SLC8B1: variants seen among roughly 807,000 people sequenced by gnomAD.
SLC8B1 encodes the protein mitochondrial sodium/calcium exchanger protein.
A neutral mutation model predicts 63.4 loss-of-function variants in SLC8B1; 52 were observed. The observed-to-expected ratio is 0.82, with a 90% confidence interval of 0.66 to 1.03. SLC8B1 has a LOEUF of 1.03. Among genes scored for constraint, SLC8B1 ranks in the 50% least tolerant of loss-of-function variants. The pLI is 0.00. For missense variants in SLC8B1, 657 were observed against 741.7 expected (o/e 0.89, Z 1.33); for synonymous variants, 336 against 323.9 (o/e 1.04, Z -0.40).
chr12:113,334,761 T>A lies in SLC8B1; in HGVS notation c.-401A>T, dbSNP rs1957106811. On this transcript the variant is annotated 5_prime_UTR_variant, in exon 1 of 16. Transcript: ENST00000680972. ...TCTCTTTGCTGCCGATTTATTTTAC[T>A]GATTCACTAGTGAGCATTTATTGAG... 1 of 152,272 alleles carries A rather than the reference T, an allele frequency of 6.6e-6. No homozygotes were observed. Among genetic ancestry groups the A allele is most frequent in the Non-Finnish European group, 1.5e-5 (1 of 68,056 alleles). The allele number at this position is 152,272 out of a possible 1,614,324, so 9.4% of individuals were successfully genotyped here.
intron 2 of SLC8B1, among the ~76,000 whole-genome samples, chr12:113,328,761 T>C (rs1056036790): frequency 4.6e-5 from 7 of 151,014 alleles, no homozygotes; most frequent in Non-Finnish European, 7.4e-5. Context: ...TTTTTTTTTT[T>C]CCTTTTTTGA....
At chr12:113,310,173 C>T in intron 12 of SLC8B1, 61 bp downstream of exon 12, 1 of 1,569,288 alleles carries the variant, frequency 6.4e-7, no homozygotes, top group Non-Finnish European at 8.6e-7. Flanking sequence ...GCAGACAGGA[C>T]ATCTGTGTGG....
intron 11 of SLC8B1, among the ~76,000 whole-genome samples, chr12:113,311,697 A>ATTTTTTTTTTTTTTTTTTT (rs58060872): frequency 1.0e-5 from 1 of 95,396 alleles, no homozygotes. Context: ...GTCAAGGGGG[A>ATTTTTTTTTTTTTTTTTTT]TTTTTTTTTT....
intron 12 of SLC8B1, 135 bp downstream of exon 12, chr12:113,310,099 T>C (rs2136833369): frequency 1.6e-6 from 2 of 1,226,924 alleles, no homozygotes; most frequent in Non-Finnish European, 2.2e-6. Flanking sequence ...CAAAAGCAGC[T>C]TTAAAGTTCG....
At chr12:113,319,774 T>C (rs1270837952) in intron 7 of SLC8B1, among the ~76,000 whole-genome samples, 10 of 152,322 alleles carry the variant, frequency 6.6e-5, no homozygotes, top group African/African-American at 2.2e-4. Flanking sequence ...TTACTGCTTG[T>C]TAAAATTGGA....
chr12:113,327,632 A>T (rs1957011124), intron 2 of SLC8B1, among the ~76,000 whole-genome samples: 1 of 151,664 alleles, frequency 6.6e-6, no homozygotes, highest in Non-Finnish European at 1.5e-5. Context: ...CAGTGAGCCA[A>T]GATCACACCA....
chr12:113,318,231 C>T (rs1956865690), intron 8 of SLC8B1, among the ~76,000 whole-genome samples: 1 of 149,562 alleles, frequency 6.7e-6, no homozygotes, highest in African/African-American at 2.5e-5. Context: ...TGTATGTACA[C>T]ATTTGTGTGT....
chr12:113,304,334 T>A lies in SLC8B1; in HGVS notation c.1544A>T (p.His515Leu). 1 of 1,614,032 alleles carries A rather than the reference T, an allele frequency of 6.2e-7. No individual in the cohort carries two copies. The highest frequency in any genetic ancestry group is 8.5e-7 in the Non-Finnish European group (1 of 1,179,920). ...AGGAATACTCACCTTCACTTCTGTG[T>A]GGCTTCGGGAGATCTGGAGCAGGCA... The part of the protein sequence containing the change: ...LGCLLQISRS[H>L]TEVKLEPDGL... The change falls in exon 15 of 16, where the codon CAC (histidine) becomes CTC (leucine). Residue 515 changes from histidine to leucine, a missense_variant. His to Leu is a moderately conservative substitution (Grantham distance 99, BLOSUM62 -3). Transcript: ENST00000680972.
At chr12:113,324,974 G>A (rs1956979077) in intron 2 of SLC8B1, among the ~76,000 whole-genome samples, 1 of 152,136 alleles carries the variant, frequency 6.6e-6, no homozygotes, top group Admixed American at 6.6e-5. Context: ...AAAGTACTGG[G>A]ATTACAGGTG....
At chr12:113,321,017 C>T in intron 4 of SLC8B1, 39 bp downstream of exon 4, 1 of 1,602,140 alleles carries the variant, frequency 6.2e-7, no homozygotes, top group Non-Finnish European at 8.5e-7. Context: ...ACCCCTCCTC[C>T]CATTGATAAG....
chr12:113,329,078 C>T (rs935997447), intron 2 of SLC8B1, among the ~76,000 whole-genome samples: 11 of 152,190 alleles, frequency 7.2e-5, no homozygotes, highest in Non-Finnish European at 1.0e-4. Context: ...TAATATCTGC[C>T]CCTCCCACTA....
At chr12:113,331,569 C>G (rs2136870787) in intron 2 of SLC8B1, among the ~76,000 whole-genome samples, 1 of 152,154 alleles carries the variant, frequency 6.6e-6, no homozygotes, top group South Asian at 2.1e-4. Context: ...TGGATGCTTC[C>G]TGCCCTCAAA....
In SLC8B1 at chr12:113,321,265, G is replaced by T. The variant is rs1322385119; in HGVS notation, c.240C>A (p.Tyr80Ter). The T allele has an allele frequency of 1.9e-6, 3 of 1,614,018 alleles. No individual in the cohort carries two copies. Among genetic ancestry groups the T allele is most frequent in the Non-Finnish European group, 2.5e-6 (3 of 1,180,028 alleles). The change falls in exon 3 of 16, where the codon TAC (tyrosine) becomes TAA (stop). Residue 80 changes from tyrosine to a stop codon, truncating the protein, a stop_gained. Transcript: ENST00000680972. LOFTEE classifies it high-confidence loss of function. ...AGAAGATGCCTTCCAGGTAGTCCAG[G>T]TACCCCCCATCACTGTGGCAGTCAG... ...TNPDCHSDGG[Y>*]LDYLEGIFCH... is the part of the protein sequence containing the mutation.
intron 2 of SLC8B1, among the ~76,000 whole-genome samples, chr12:113,325,674 C>T (rs1169075295): frequency 2.6e-5 from 4 of 152,128 alleles, no homozygotes; most frequent in African/African-American, 9.6e-5. Context: ...ACACCATTCT[C>T]CTGCCTCAGC....
Position 113,320,179 on chromosome 12 carries a change from T to C in SLC8B1, c.694+152A>G. ...GTTATGTGACCCACATGTTCCCATTTTTGCTCAAGCCAGCTTGAGGAGGGT... is the reference window on the plus strand; with the variant it reads ...GTTATGTGACCCACATGTTCCCATTCTTGCTCAAGCCAGCTTGAGGAGGGT... On this transcript the variant is annotated intron_variant, in intron 7 of 15. Transcript: ENST00000680972. This position sits in a 1 kb window ranked among gnomAD's most constrained non-coding sequence, Gnocchi z 5.3. The C allele has an allele frequency of 1.1e-6, 1 of 915,880 alleles. No homozygotes were observed. Among genetic ancestry groups the C allele is most frequent in the Non-Finnish European group, 1.6e-6 (1 of 608,732 alleles). 56.7% of individuals were successfully genotyped at this position (915,880 alleles called of 1,614,324 possible). A position where few individuals can be genotyped will look rare whatever the true frequency, so the allele number is the denominator to read the frequency against.
At chr12:113,317,695 C>T (rs777517870) in intron 8 of SLC8B1, among the ~76,000 whole-genome samples, 2 of 152,082 alleles carry the variant, frequency 1.3e-5, no homozygotes, top group African/African-American at 2.4e-5. Context: ...TAGCTCTCGC[C>T]CTGATTCTGC....
chr12:113,304,677 A>T (rs1956648573), intron 14 of SLC8B1, among the ~76,000 whole-genome samples: 1 of 152,124 alleles, frequency 6.6e-6, no homozygotes, highest in South Asian at 2.1e-4. Context: ...AACACGGCTC[A>T]CTGCAGCCTC....
intron 11 of SLC8B1, among the ~76,000 whole-genome samples, chr12:113,314,342 C>T (rs1389011471): frequency 6.6e-6 from 1 of 152,244 alleles, no homozygotes; most frequent in African/African-American, 2.4e-5. Context: ...CACACAACAC[C>T]ATGCCCAGCC....
chr12:113,307,301 C>T (rs1956689600), intron 13 of SLC8B1, among the ~76,000 whole-genome samples: 1 of 152,070 alleles, frequency 6.6e-6, no homozygotes, highest in Non-Finnish European at 1.5e-5. Context: ...TGGAGCAGTG[C>T]ATAACCTGGC....
Sources: allele counts gnomAD v4.1 joint callset (sites outside exome capture counted in the v4.1 genomes callset), GRCh38; gene constraint gnomAD v4.1.1; non-coding constraint Gnocchi (gnomAD v3.1); transcripts MANE v1.5; gene names NCBI Gene and HGNC (gene_info 2026-07-23, HGNC 2026-07-21).